The following TMEM135 variants were observed in gnomAD, a reference collection of about 807,000 sequenced individuals.
TMEM135 encodes the protein transmembrane protein 135.
TMEM135 carries 30 observed loss-of-function variants against 60.3 expected under a neutral mutation model. The ratio of observed to expected loss-of-function variants is 0.50; its 90% CI spans 0.37 to 0.68. TMEM135 has a LOEUF of 0.68. TMEM135 is among the 30% of genes least tolerant of loss of function. The probability of loss-of-function intolerance (pLI) is 0.00; values close to 1 mark genes in which losing one functional copy is unlikely to be tolerated. For missense variants in TMEM135, 468 were observed against 548.8 expected, an observed-to-expected ratio of 0.85 and a Z score of 1.47; for synonymous variants, 190 against 186.7, an observed-to-expected ratio of 1.02 and a Z score of -0.14.
At chr11:87,282,148 G>C (rs1942072600) in intron 6 of TMEM135, among the ~76,000 whole-genome samples, 1 of 152,154 alleles carries the variant, frequency 6.6e-6, no homozygotes, top group African/African-American at 2.4e-5. Context: ...TTTTATGAAG[G>C]GGAGGTGGAT....
chr11:87,216,746 A>G (rs1940512432), intron 5 of TMEM135, among the ~76,000 whole-genome samples: 1 of 152,220 alleles, frequency 6.6e-6, no homozygotes, highest in Non-Finnish European at 1.5e-5. Flanking sequence ...GTTTTATAAA[A>G]ATATATTTGC....
intron 8 of TMEM135, among the ~76,000 whole-genome samples, chr11:87,304,645 A>G (rs147191001): frequency 4.8e-3 from 725 of 152,314 alleles, no homozygotes; most frequent in Middle Eastern, 0.02. Context: ...GAAAGGCTGT[A>G]TGCTCCAGCT....
chr11:87,230,445 T>G (rs1222460069), intron 5 of TMEM135, among the ~76,000 whole-genome samples: 2 of 152,126 alleles, frequency 1.3e-5, no homozygotes, highest in Admixed American at 6.6e-5. Context: ...TACCATGTAT[T>G]GAGCATCTAT....
At chr11:87,178,944 T>C (rs939046080) in intron 5 of TMEM135, among the ~76,000 whole-genome samples, 12 of 150,954 alleles carry the variant, frequency 7.9e-5, no homozygotes, top group Non-Finnish European at 7.4e-5. Flanking sequence ...AATTGTTAGG[T>C]CATAAGAATA....
At chr11:87,283,200 A>G (rs1234188090) in intron 6 of TMEM135, among the ~76,000 whole-genome samples, 1 of 151,872 alleles carries the variant, frequency 6.6e-6, no homozygotes, top group Non-Finnish European at 1.5e-5. Flanking sequence ...CAGGTGTGGT[A>G]CCAGGTGCCT....
chr11:87,259,306 A>G (rs1941595494), intron 6 of TMEM135: 1 of 351,874 alleles, frequency 2.8e-6, no homozygotes, highest in South Asian at 2.4e-5. Flanking sequence ...TAGGGAAAAG[A>G]TATTTCCAAA....
At chr11:87,244,936 CG>C (rs1337704755) in intron 6 of TMEM135, among the ~76,000 whole-genome samples, 2 of 151,168 alleles carry the variant, frequency 1.3e-5, no homozygotes, top group African/African-American at 2.4e-5. Context: ...CTTTTAATTG[CG>C]ATGTTCGGGT....
chr11:87,121,798 C>A (rs1937602062), intron 4 of TMEM135, among the ~76,000 whole-genome samples: 1 of 152,020 alleles, frequency 6.6e-6, no homozygotes, highest in African/African-American at 2.4e-5. Flanking sequence ...CGCCACCAAG[C>A]CTGACTAATT....
rs892801731 is a variant in TMEM135 at position 87,326,641 on chromosome 11, C to T, written c.*5308C>T. 1 of 453,894 alleles carries T rather than the reference C, an allele frequency of 2.2e-6. No individual in the cohort carries two copies. The allele number at this position is 453,894 out of a possible 1,614,324, so 28.1% of individuals were successfully genotyped here. On this transcript the variant is annotated 3_prime_UTR_variant, in exon 15 of 15. Transcript: ENST00000305494. ...TTTTCTTTACCTTTCCTGGCCCATGCTTTCCTGCCATATCTTTGCTATGTA... is the reference window on the plus strand; with the variant it reads ...TTTTCTTTACCTTTCCTGGCCCATGTTTTCCTGCCATATCTTTGCTATGTA...
chr11:87,147,663 C>T (rs1320886124), intron 4 of TMEM135, among the ~76,000 whole-genome samples: 1 of 152,202 alleles, frequency 6.6e-6, no homozygotes, highest in African/African-American at 2.4e-5. Context: ...AAAACACACA[C>T]ACAAAAGTCC....
Position 87,069,634 on chromosome 11 carries a change from C to T in TMEM135, c.269+1813C>T, listed in dbSNP as rs569505404. Among the ~76,000 whole-genome samples the T allele has an allele frequency of 3.3e-5, 5 of 152,228 alleles. No individual in the cohort carries two copies. In the East Asian group the frequency reaches 5.8e-4, roughly 18 times the overall value. Reference sequence around the variant, plus strand: ...TGGTGCCTATGGACATCTACGTTAACGTGTCCAATAGACATTTGAAATTTG... The same window carrying T: ...TGGTGCCTATGGACATCTACGTTAATGTGTCCAATAGACATTTGAAATTTG... On this transcript the variant is annotated intron_variant, in intron 2 of 14. Transcript: ENST00000305494.
At chr11:87,129,832 C>T (rs56087136) in intron 4 of TMEM135, among the ~76,000 whole-genome samples, 8 of 151,960 alleles carry the variant, frequency 5.3e-5, no homozygotes, top group Admixed American at 1.3e-4. Flanking sequence ...TGAGCCATTG[C>T]GCTCGGCTGT....
At chr11:87,201,797 ATACT>A (rs1940098696) in intron 5 of TMEM135, among the ~76,000 whole-genome samples, 1 of 152,194 alleles carries the variant, frequency 6.6e-6, no homozygotes, top group African/African-American at 2.4e-5. Flanking sequence ...ACATATATTA[ATACT>A]TACTCTGCAC....
chr11:87,137,988 G>T (rs1005746785), intron 4 of TMEM135, among the ~76,000 whole-genome samples: 1 of 151,642 alleles, frequency 6.6e-6, no homozygotes, highest in African/African-American at 2.4e-5. Context: ...TCTTAAAACC[G>T]CTGTTAAGGT....
chr11:87,146,434 T>C (rs1328071338), intron 4 of TMEM135, among the ~76,000 whole-genome samples: 1 of 152,190 alleles, frequency 6.6e-6, no homozygotes, highest in African/African-American at 2.4e-5. Flanking sequence ...CATGCCAGGC[T>C]AATTGTTTTA....
intron 5 of TMEM135, among the ~76,000 whole-genome samples, chr11:87,230,238 CTT>C (rs1233633862): frequency 1.1e-4 from 16 of 152,028 alleles, no homozygotes. Flanking sequence ...TAATTGGCCT[CTT>C]TCACTTAGCA....
chr11:87,272,231 T>C (rs4944692), intron 6 of TMEM135, among the ~76,000 whole-genome samples: 49,995 of 151,240 alleles, frequency 0.33, 9,157 homozygotes, highest in Non-Finnish European at 0.42. Flanking sequence ...TTTTCTTGTA[T>C]TTTTAGTAGA....
chr11:87,290,034 T>G (rs1442367475), intron 6 of TMEM135, among the ~76,000 whole-genome samples: 1 of 152,230 alleles, frequency 6.6e-6, no homozygotes, highest in Non-Finnish European at 1.5e-5. Context: ...ATGTATAGTT[T>G]GTAAATATTT....
intron 6 of TMEM135, among the ~76,000 whole-genome samples, chr11:87,285,634 G>A (rs1403182746): frequency 6.6e-6 from 1 of 152,184 alleles, no homozygotes; most frequent in South Asian, 2.1e-4. Context: ...TGCAGTAAGT[G>A]TCACAGCTCA....
Sources: allele counts gnomAD v4.1 joint callset (sites outside exome capture counted in the v4.1 genomes callset), GRCh38; gene constraint gnomAD v4.1.1; transcripts MANE v1.5; gene names NCBI Gene and HGNC (gene_info 2026-07-23, HGNC 2026-07-21).